ANKFN1: variants seen among roughly 807,000 people sequenced by gnomAD.
ANKFN1 encodes ankyrin repeat and fibronectin type III domain containing 1, also known as ankyrin repeat and fibronectin type-III domain-containing protein 1.
In ANKFN1, 74 loss-of-function variants were observed where a neutral mutation model predicts 108.7. The observed-to-expected ratio is 0.68, with a 90% CI of 0.56 to 0.83. ANKFN1 has a LOEUF of 0.83. Ranked by LOEUF, ANKFN1 falls within the 40% of genes least tolerant of loss-of-function variation. ANKFN1 has a pLI of 0.00. For synonymous variants in ANKFN1, 547 were observed against 516.2 expected, an observed-to-expected ratio of 1.06 and a Z score of -0.81; for missense variants, 1,505 against 1,382.3, an observed-to-expected ratio of 1.09 and a Z score of -1.41.
At chr17:56,222,811 A>G (rs937896434) in intron 2 of ANKFN1, among the ~76,000 whole-genome samples, 5 of 152,176 alleles carry the variant, frequency 3.3e-5, no homozygotes, top group African/African-American at 1.2e-4. Context: ...TGCACAACCC[A>G]TCTAATAGTA....
chr17:56,307,698 T>G (rs1020542516), intron 3 of ANKFN1, among the ~76,000 whole-genome samples: 1 of 152,164 alleles, frequency 6.6e-6, no homozygotes, highest in African/African-American at 2.4e-5. Flanking sequence ...GAACTAGAAA[T>G]GCCATTTGAC....
intron 3 of ANKFN1, among the ~76,000 whole-genome samples, chr17:56,295,142 G>A (rs890236388): frequency 1.3e-5 from 2 of 152,218 alleles, no homozygotes; most frequent in African/African-American, 4.8e-5. Context: ...ACCGCTGGGA[G>A]TTAAGGGCTA....
chr17:56,210,369 T>C (rs757441329), intron 1 of ANKFN1, among the ~76,000 whole-genome samples: 9 of 152,234 alleles, frequency 5.9e-5, no homozygotes, highest in Non-Finnish European at 1.3e-4. Context: ...TGTAAATGTG[T>C]TCCCTTTTCA....
chr17:56,425,173 A>G (rs940704107), intron 8 of ANKFN1, among the ~76,000 whole-genome samples: 1 of 151,902 alleles, frequency 6.6e-6, no homozygotes, highest in African/African-American at 2.4e-5. Flanking sequence ...CAGCATTCCT[A>G]TGAGAGCTTG....
intron 1 of ANKFN1, among the ~76,000 whole-genome samples, chr17:56,185,770 A>C (rs1912138411): frequency 6.6e-6 from 1 of 152,186 alleles, no homozygotes; most frequent in Non-Finnish European, 1.5e-5. Context: ...AATCTACGAG[A>C]TTGGCCATGG....
intron 6 of ANKFN1, 27 bp from the exon 7 acceptor site, chr17:56,372,619 G>C: frequency 6.3e-7 from 1 of 1,592,130 alleles, no homozygotes. Context: ...GAAAGAAAGA[G>C]AAGTAATCCC....
chr17:56,374,731 A>G lies in ANKFN1; in HGVS notation c.910+17A>G, dbSNP rs376645154. Reference sequence around the variant, plus strand: ...GGTATAAAGGTACTGGACCCAAGACATGTTTTCATCACTCCTTCTTAAAAA... The same window carrying G: ...GGTATAAAGGTACTGGACCCAAGACGTGTTTTCATCACTCCTTCTTAAAAA... On this transcript the variant is annotated intron_variant, in intron 8 of 20. Transcript: ENST00000682825. 4 of 1,572,530 alleles carry G rather than the reference A, an allele frequency of 2.5e-6. No individual in the cohort carries two copies. The highest frequency in any genetic ancestry group is 1.1e-5 in the South Asian group (1 of 88,300).
intron 3 of ANKFN1, among the ~76,000 whole-genome samples, chr17:56,249,307 GCCTGTAAT>G (rs2043184033): frequency 6.6e-6 from 1 of 151,994 alleles, no homozygotes. Flanking sequence ...GGTGGCAGGT[GCCTGTAAT>G]CCCAGATACT....
chr17:56,174,960 G>A (rs908562240), intron 1 of ANKFN1, among the ~76,000 whole-genome samples: 8 of 152,082 alleles, frequency 5.3e-5, no homozygotes, highest in Non-Finnish European at 7.4e-5. Flanking sequence ...TTAAGTGGGA[G>A]GGAGTTAATT....
In ANKFN1 at chr17:56,324,942, G is replaced by T. The variant is rs536901083; in HGVS notation, c.54-1279G>T. On this transcript the variant is annotated intron_variant, in intron 3 of 20. Transcript: ENST00000682825. ...CCTGTTGGGGGTGAGCGAGCTATCA[G>T]GGGGAGATAATGTCTCTAGAAAGGG... is the stretch of plus-strand genomic sequence containing the variant. Among the ~76,000 whole-genome samples, 41 of 152,286 alleles carry T rather than the reference G, an allele frequency of 2.7e-4. No individual in the cohort carries two copies. In the South Asian group the frequency reaches 8.1e-3, roughly 30 times the overall value.
intron 4 of ANKFN1, among the ~76,000 whole-genome samples, chr17:56,072,975 G>A (rs1300634932): frequency 1.3e-5 from 2 of 152,056 alleles, no homozygotes; most frequent in African/African-American, 2.4e-5. Context: ...TGTCTGCTGA[G>A]ATAAGTAAGG....
chr17:56,360,728 C>T (rs1455560987), intron 6 of ANKFN1, among the ~76,000 whole-genome samples: 6 of 152,144 alleles, frequency 3.9e-5, no homozygotes, highest in Admixed American at 3.9e-4. Flanking sequence ...ATTTAAACAT[C>T]AGATGGCCAA....
intron 3 of ANKFN1, among the ~76,000 whole-genome samples, chr17:56,315,348 G>A (rs1456717412): frequency 6.6e-6 from 1 of 152,200 alleles, no homozygotes; most frequent in Non-Finnish European, 1.5e-5. Context: ...AAGGAACAAT[G>A]AGAATGGATA....
At position 56,511,178 on chromosome 17, in the gene ANKFN1, G is replaced by A. The variant is rs1259487152; in HGVS notation, c.3350G>A (p.Arg1117His). Residue 1117 changes from arginine (R) to histidine (H), a missense_variant, in exon 21 of 21, where the codon CGC becomes CAC. By Grantham distance (29) the Arg-to-His change is conservative (BLOSUM62 0). Transcript: ENST00000682825. ...AGCTTGAGCCCGCCCTCTGGAGGCC[G>A]CATCACCCTGCCCAGCCCCACTGGC... is the stretch of plus-strand genomic sequence containing the variant. ...WASLSPPSGG[R>H]ITLPSPTGPD... is the part of the protein sequence containing the mutation. 1.3e-6 allele frequency: 2 copies of A among 1,535,898 alleles called. No homozygotes were observed. The highest frequency in any genetic ancestry group is 1.4e-5 in the African/African-American group (1 of 73,066).
chr17:56,097,298 G>A (rs1463309729), intron 4 of ANKFN1, among the ~76,000 whole-genome samples: 1 of 151,936 alleles, frequency 6.6e-6, no homozygotes, highest in Non-Finnish European at 1.5e-5. Flanking sequence ...AGATTGTATG[G>A]CTAAGATAAC....
intron 4 of ANKFN1, among the ~76,000 whole-genome samples, chr17:56,062,559 C>CTTTTTTTTTTTTTTTTT (rs3085080): frequency 7.4e-6 from 1 of 134,528 alleles, no homozygotes; most frequent in African/African-American, 3.0e-5. Flanking sequence ...GTAATCTCTG[C>CTTTTTTTTTTTTTTTTT]TTTTTTTTTT....
At chr17:56,428,240 A>G (rs979313400) in intron 8 of ANKFN1, among the ~76,000 whole-genome samples, 1 of 152,008 alleles carries the variant, frequency 6.6e-6, no homozygotes, top group Non-Finnish European at 1.5e-5. Flanking sequence ...ATCTCAAAAA[A>G]AAAAAAGAAA....
intron 1 of ANKFN1, among the ~76,000 whole-genome samples, chr17:56,209,012 G>A (rs1914758038): frequency 6.6e-6 from 1 of 152,090 alleles, no homozygotes; most frequent in Non-Finnish European, 1.5e-5. Context: ...CGAGTTAGCT[G>A]GGACTACAGG....
chr17:56,451,322 C>A (rs921980860), intron 11 of ANKFN1, among the ~76,000 whole-genome samples: 1 of 152,116 alleles, frequency 6.6e-6, no homozygotes, highest in African/African-American at 2.4e-5. Flanking sequence ...GAAATGCTAA[C>A]TCATAATATG....
Sources: gnomAD v4.1 joint callset for allele counts (sites outside exome capture counted in the v4.1 genomes callset) on GRCh38, gnomAD v4.1.1 for gene constraint, MANE v1.5 for transcripts, NCBI Gene and HGNC (gene_info 2026-07-23, HGNC 2026-07-21) for gene names.